The following TMPRSS12 variants were observed in gnomAD, a reference collection of about 807,000 sequenced individuals.
TMPRSS12 encodes transmembrane protease serine 12.
In TMPRSS12, 25 loss-of-function variants were observed where a neutral mutation model predicts 26.0. That is an observed-to-expected ratio of 0.96 (90% CI 0.70 to 1.34). TMPRSS12 has a LOEUF of 1.34. TMPRSS12 is among the 40% of genes most tolerant of loss of function. The pLI, the probability that TMPRSS12 is intolerant of heterozygous loss-of-function variation, is 0.00. For missense variants in TMPRSS12, 441 were observed against 440.1 expected (o/e 1.00, Z -0.02); for synonymous variants, 150 against 161.7 (o/e 0.93, Z 0.55).
At chr12:50,874,786 C>T (rs919863256) in intron 3 of TMPRSS12, among the ~76,000 whole-genome samples, 1 of 151,798 alleles carries the variant, frequency 6.6e-6, no homozygotes, top group African/African-American at 2.4e-5. Context: ...AGTTGAGAGC[C>T]AAATCAAGAA....
At chr12:50,874,501 TA>T (rs1286697545) in intron 3 of TMPRSS12, among the ~76,000 whole-genome samples, 1 of 152,148 alleles carries the variant, frequency 6.6e-6, no homozygotes, top group Non-Finnish European at 1.5e-5. Context: ...ATGTATTTGA[TA>T]AAATCCAACA....
At position 50,879,583 on chromosome 12, in the gene TMPRSS12, T is replaced by C. The variant is rs545777699; in HGVS notation, c.653-5663T>C. 5.3e-5 allele frequency among the ~76,000 whole-genome samples: 8 copies of C among 152,242 alleles called. No individual in the cohort carries two copies. The South Asian group carries it at 1.7e-3, about 32-fold the overall frequency. On this transcript the variant is annotated intron_variant, in intron 3 of 4. Transcript: ENST00000398458. ...TGAACCAAAATGATGTAAAGCAAAA[T>C]ATATGGTTTATTAAGAAGGGTCTGA...
At chr12:50,855,007 G>T (rs1344224487) in intron 2 of TMPRSS12, among the ~76,000 whole-genome samples, 1 of 151,976 alleles carries the variant, frequency 6.6e-6, no homozygotes, top group Non-Finnish European at 1.5e-5. Flanking sequence ...ATAGCCAAAG[G>T]AATCCTAAGC....
chr12:50,844,872 T>C (rs1937753263), intron 2 of TMPRSS12, among the ~76,000 whole-genome samples: 1 of 152,144 alleles, frequency 6.6e-6, no homozygotes, highest in Non-Finnish European at 1.5e-5. Flanking sequence ...TGTCATGAAA[T>C]ATTGTGGTTG....
intron 3 of TMPRSS12, among the ~76,000 whole-genome samples, chr12:50,861,065 G>A (rs829142): frequency 0.65 from 98,390 of 151,948 alleles, 32,163 homozygotes; most frequent in Non-Finnish European, 0.7. Context: ...TAAATATACT[G>A]CTTTATCTTA....
At chr12:50,878,845 T>G (rs1938137894) in intron 3 of TMPRSS12, among the ~76,000 whole-genome samples, 2 of 152,182 alleles carry the variant, frequency 1.3e-5, no homozygotes, top group South Asian at 4.1e-4. Context: ...TATGTTGAAA[T>G]CCTCACTCCC....
chr12:50,872,929 T>C lies in TMPRSS12; in HGVS notation c.653-12317T>C, dbSNP rs867052380. ...TATGACTATATATGTACATATATGATGTATATATGTACATATATATGACGT... is the reference window on the plus strand; with the variant it reads ...TATGACTATATATGTACATATATGACGTATATATGTACATATATATGACGT... On this transcript the variant is annotated intron_variant, in intron 3 of 4. Transcript: ENST00000398458. Among the ~76,000 whole-genome samples, 31 of 74,862 alleles carry C rather than the reference T, an allele frequency of 4.1e-4. 3 individuals are homozygous for C. Among genetic ancestry groups the C allele is most frequent in the African/African-American group, 1.1e-3 (22 of 19,534 alleles). 49.1% of individuals were successfully genotyped at this position (74,862 alleles called of 152,430 possible).
At chr12:50,886,947 C>T in intron 4 of TMPRSS12, 1 of 248,372 alleles carries the variant, frequency 4.0e-6, no homozygotes, top group Non-Finnish European at 7.6e-6. Flanking sequence ...TGCACACTTC[C>T]TAAATTATAT....
At chr12:50,882,284 T>C (rs1938182579) in intron 3 of TMPRSS12, among the ~76,000 whole-genome samples, 1 of 74,112 alleles carries the variant, frequency 1.3e-5, no homozygotes, top group Non-Finnish European at 2.3e-5. Context: ...ACCCCATCTC[T>C]CTAAAAAAAA....
chr12:50,862,133 A>C (rs940140517), intron 3 of TMPRSS12, among the ~76,000 whole-genome samples: 3 of 152,146 alleles, frequency 2.0e-5, no homozygotes, highest in Non-Finnish European at 4.4e-5. Context: ...TCACAATGTC[A>C]TACAGTTTCA....
At chr12:50,872,491 G>A (rs908503511) in intron 3 of TMPRSS12, among the ~76,000 whole-genome samples, 1 of 121,362 alleles carries the variant, frequency 8.2e-6, no homozygotes, top group African/African-American at 3.3e-5. Flanking sequence ...CCGCAGTCTG[G>A]CCTGGGCGAC....
chr12:50,856,340 A>G (rs1937877416), intron 2 of TMPRSS12, among the ~76,000 whole-genome samples: 1 of 152,162 alleles, frequency 6.6e-6, no homozygotes, highest in Admixed American at 6.5e-5. Context: ...ACCACAAGCA[A>G]TGCCAGCACG....
chr12:50,858,352 T>C (rs1229210514), intron 2 of TMPRSS12, among the ~76,000 whole-genome samples: 3 of 152,220 alleles, frequency 2.0e-5, no homozygotes, highest in African/African-American at 4.8e-5. Context: ...CTCAGACATA[T>C]CTCTTTGTGT....
At chr12:50,855,966 A>G (rs773378078) in intron 2 of TMPRSS12, among the ~76,000 whole-genome samples, 2 of 152,210 alleles carry the variant, frequency 1.3e-5, no homozygotes, top group Non-Finnish European at 2.9e-5. Context: ...CAGAAAACCG[A>G]ATATTACATG....
chr12:50,850,616 A>G (rs1937817247), intron 2 of TMPRSS12, among the ~76,000 whole-genome samples: 1 of 152,206 alleles, frequency 6.6e-6, no homozygotes, highest in South Asian at 2.1e-4. Flanking sequence ...CAGTGCACAC[A>G]TGTGGACCCT....
rs1404370791 is a variant in TMPRSS12, at chr12:50,857,964, A to G, written c.384-821A>G. ...CTGCCTCAGCCTCCCGAGTAGCTGG[A>G]ACTACAGGTGTCCGCCATCACGCCC... is the stretch of plus-strand genomic sequence containing the variant. On this transcript the variant is annotated intron_variant, in intron 2 of 4. Coordinates refer to ENST00000398458, the MANE Select transcript of TMPRSS12 (RefSeq NM_182559.3). Among the ~76,000 whole-genome samples, 10 of 151,772 alleles carry G rather than the reference A, an allele frequency of 6.6e-5. 1 individual carries two copies. Among genetic ancestry groups the G allele is most frequent in the Admixed American group, 6.6e-4 (10 of 15,216 alleles).
chr12:50,845,604 C>A (rs1025585344), intron 2 of TMPRSS12, among the ~76,000 whole-genome samples: 1 of 152,158 alleles, frequency 6.6e-6, no homozygotes, highest in African/African-American at 2.4e-5. Context: ...TTGATAGCAT[C>A]ATCAACAGCT....
chr12:50,844,861 G>A (rs769096613), intron 2 of TMPRSS12, among the ~76,000 whole-genome samples: 4 of 152,044 alleles, frequency 2.6e-5, no homozygotes, highest in Non-Finnish European at 5.9e-5. Flanking sequence ...TATGTTTAAC[G>A]TGTCATGAAA....
chr12:50,859,219 CTT>C (rs34544871), intron 3 of TMPRSS12, among the ~76,000 whole-genome samples, 166 bp downstream of exon 3: 2 of 144,826 alleles, frequency 1.4e-5, no homozygotes, highest in Non-Finnish European at 1.5e-5. Flanking sequence ...TTTATGGTAC[CTT>C]TTTTTTTTTT....
Sources: allele counts gnomAD v4.1 joint callset (sites outside exome capture counted in the v4.1 genomes callset), GRCh38; gene constraint gnomAD v4.1.1; transcripts MANE v1.5; gene names NCBI Gene and HGNC (gene_info 2026-07-23, HGNC 2026-07-21).